The following FOCAD variants were observed in gnomAD, a reference collection of about 807,000 sequenced individuals.
FOCAD encodes the protein focadhesin.
A neutral mutation model predicts 225.6 loss-of-function variants in FOCAD; 198 were observed. That is an observed-to-expected ratio of 0.88 (90% CI 0.78 to 0.99). The LOEUF (loss-of-function observed/expected upper bound fraction) is 0.99, where lower values mean the gene tolerates loss of function less well. FOCAD is among the 50% of genes least tolerant of loss of function. FOCAD has a pLI of 0.00. For synonymous variants in FOCAD, 897 were observed against 755.0 expected (o/e 1.19, Z -3.08); for missense variants, 2,713 against 2,123.6 (o/e 1.28, Z -5.46).
Position 20,807,718 on chromosome 9 carries a change from A to G in FOCAD, c.1456-12078A>G, listed in dbSNP as rs117699458. On this transcript the variant is annotated intron_variant, in intron 11 of 43. Transcript: ENST00000338382. ...ACAGTAAAGGTAGTACAAATTCCCA[A>G]TGCTCACTTTTTCAATATAAATGTA... Among the ~76,000 whole-genome samples, 290 of 152,284 alleles carry G rather than the reference A, an allele frequency of 1.9e-3. 2 individuals carry two copies. The East Asian group carries it at 0.042, about 22-fold the overall frequency.
At chr9:20,886,909 G>A (rs965287867) in intron 21 of FOCAD, among the ~76,000 whole-genome samples, 2 of 152,172 alleles carry the variant, frequency 1.3e-5, no homozygotes, top group African/African-American at 2.4e-5. Context: ...TTTCAACACT[G>A]TGAGGTAGGT....
chr9:20,771,315 A>G (rs1250499122), intron 8 of FOCAD, among the ~76,000 whole-genome samples: 1 of 152,194 alleles, frequency 6.6e-6, no homozygotes, highest in Admixed American at 6.5e-5. Context: ...GCTGTTTGAG[A>G]CCTTTCAGCA....
chr9:20,731,836 C>G (rs564196205), intron 4 of FOCAD, among the ~76,000 whole-genome samples: 59 of 152,054 alleles, frequency 3.9e-4, no homozygotes, highest in Non-Finnish European at 7.5e-4. Context: ...AGGCTGGTCT[C>G]GAACTCCCAA....
intron 11 of FOCAD, among the ~76,000 whole-genome samples, chr9:20,813,706 G>T (rs568905445): frequency 6.6e-6 from 1 of 152,148 alleles, no homozygotes; most frequent in African/African-American, 2.4e-5. Context: ...TGCTGTTGCT[G>T]TTGGGTAGAA....
chr9:20,694,943 C>A (rs1287755726), intron 1 of FOCAD, among the ~76,000 whole-genome samples: 1 of 151,996 alleles, frequency 6.6e-6, no homozygotes, highest in Non-Finnish European at 1.5e-5. Context: ...TGTAAGTTTC[C>A]CAAATATAAT....
At chr9:20,721,717 A>G (rs904235047) in intron 4 of FOCAD, among the ~76,000 whole-genome samples, 1 of 151,934 alleles carries the variant, frequency 6.6e-6, no homozygotes, top group African/African-American at 2.4e-5. Flanking sequence ...CAACAACAAA[A>G]ATTTGTGGAA....
At chr9:20,953,528 C>T (rs577317004) in intron 35 of FOCAD, among the ~76,000 whole-genome samples, 3 of 152,222 alleles carry the variant, frequency 2.0e-5, no homozygotes, top group Admixed American at 6.5e-5. Context: ...TGTTCTTTTC[C>T]TTGCACACAT....
In FOCAD at chr9:20,785,914, T is replaced by C. The variant is rs1263066926; in HGVS notation, c.1198-3437T>C. Among the ~76,000 whole-genome samples the C allele has an allele frequency of 8.5e-5, 13 of 152,154 alleles. 1 individual carries two copies. Among genetic ancestry groups the C allele is most frequent in the Admixed American group, 7.9e-4 (12 of 15,272 alleles). ...CCAGTTTCTCCCTGTCCTCGACAAT[T>C]GTTGTTATTGTTTATCTTTTTGATG... On this transcript the variant is annotated intron_variant, in intron 10 of 43. Transcript: ENST00000338382.
intron 2 of FOCAD, among the ~76,000 whole-genome samples, chr9:20,665,129 T>C (rs1011907878): frequency 2.0e-5 from 3 of 152,146 alleles, no homozygotes; most frequent in Non-Finnish European, 2.9e-5. Flanking sequence ...AATGGCTTAA[T>C]AGAGCTAGAG....
At chr9:20,687,797 C>G (rs1822753485) in intron 1 of FOCAD, among the ~76,000 whole-genome samples, 1 of 152,180 alleles carries the variant, frequency 6.6e-6, no homozygotes, top group Non-Finnish European at 1.5e-5. Flanking sequence ...GCATGGACTT[C>G]ATAAACAACA....
At chr9:20,988,875 A>T (rs1467985813) in intron 41 of FOCAD, among the ~76,000 whole-genome samples, 2 of 152,144 alleles carry the variant, frequency 1.3e-5, no homozygotes, top group Admixed American at 6.5e-5. Context: ...TGCTTTGAAG[A>T]GGTTCCTGGA....
intron 11 of FOCAD, among the ~76,000 whole-genome samples, chr9:20,804,345 A>T (rs1034694629): frequency 1.3e-5 from 2 of 152,010 alleles, no homozygotes; most frequent in Non-Finnish European, 2.9e-5. Context: ...TTGATAGAGA[A>T]TTTTTGGTGC....
chr9:20,903,403 G>C (rs1487251966), intron 21 of FOCAD, among the ~76,000 whole-genome samples: 1 of 151,944 alleles, frequency 6.6e-6, no homozygotes, highest in Non-Finnish European at 1.5e-5. Context: ...CGTCGCGTCT[G>C]AGTAGGTTTT....
Position 20,696,901 on chromosome 9 carries a change from G to T in FOCAD, c.-33+12608G>T, listed in dbSNP as rs186343622. ...TTGTCATGAGGGTGCTACCCTCAAG[G>T]GTGAGATTGGTGCCAATGTAAAAGT... On this transcript the variant is annotated intron_variant, in intron 1 of 43. Coordinates refer to ENST00000338382, the MANE Select transcript of FOCAD (RefSeq NM_001375567.1). 2.2e-3 allele frequency among the ~76,000 whole-genome samples: 335 copies of T among 152,246 alleles called. 1 individual carries two copies. The highest frequency in any genetic ancestry group is 7.6e-3 in the African/African-American group (316 of 41,556).
intron 16 of FOCAD, among the ~76,000 whole-genome samples, chr9:20,865,262 G>A (rs1225982759): frequency 6.6e-6 from 1 of 152,024 alleles, no homozygotes; most frequent in Non-Finnish European, 1.5e-5. Context: ...CTTGGAACTG[G>A]AAGAATTAAT....
chr9:20,860,866 T>G (rs1239124822), intron 15 of FOCAD, among the ~76,000 whole-genome samples: 1 of 152,232 alleles, frequency 6.6e-6, no homozygotes, highest in African/African-American at 2.4e-5. Context: ...TAACTTGAAA[T>G]CTCTAAAGCC....
chr9:20,828,540 C>G (rs548161765), intron 15 of FOCAD, among the ~76,000 whole-genome samples: 1 of 152,212 alleles, frequency 6.6e-6, no homozygotes, highest in Non-Finnish European at 1.5e-5. Flanking sequence ...TGCAATTTTA[C>G]ATTTGCACCA....
chr9:20,657,938 A>C (rs1821550884), upstream of FOCAD, among the ~76,000 whole-genome samples: 1 of 136,270 alleles, frequency 7.3e-6, no homozygotes, highest in Non-Finnish European at 1.6e-5. Flanking sequence ...GATGATGGTG[A>C]TGTACAGATG....
intron 43 of FOCAD, among the ~76,000 whole-genome samples, chr9:20,994,453 A>G (rs908486060): frequency 6.6e-6 from 1 of 152,170 alleles, no homozygotes; most frequent in African/African-American, 2.4e-5. Context: ...CTATTCTGTG[A>G]TAATTTATCT....
Sources: allele counts gnomAD v4.1 joint callset (sites outside exome capture counted in the v4.1 genomes callset), GRCh38; gene constraint gnomAD v4.1.1; transcripts MANE v1.5; gene names NCBI Gene and HGNC (gene_info 2026-07-23, HGNC 2026-07-21).